The following S100A5 variants were observed in gnomAD, a reference collection of about 807,000 sequenced individuals.
The protein encoded by S100A5 is protein S100-A5.
A neutral mutation model predicts 6.7 loss-of-function variants in S100A5; 5 were observed. That is an observed-to-expected ratio of 0.75 (90% CI 0.39 to 1.57). The LOEUF is 1.57. Among genes scored for constraint, S100A5 ranks in the 40% most tolerant of loss-of-function variants. The probability of loss-of-function intolerance (pLI) is 0.03; values close to 1 mark genes in which losing one functional copy is unlikely to be tolerated. For missense variants in S100A5, 129 were observed against 110.8 expected (o/e 1.16, Z -0.74); for synonymous variants, 49 against 44.9 (o/e 1.09, Z -0.37).
intron 1 of S100A5, 133 bp from the exon 2 acceptor site, chr1:153,540,338 GC>G (rs561312322): frequency 2.7e-5 from 23 of 843,776 alleles, no homozygotes; most frequent in African/African-American, 2.1e-4. Context: ...TAACAAGAGC[GC>G]CCATCTATAT....
chr1:153,539,945 C>T, intron 2 of S100A5, 109 bp downstream of exon 2: 3 of 1,363,048 alleles, frequency 2.2e-6, no homozygotes, highest in Admixed American at 3.9e-5. Flanking sequence ...GTCTGTAGCC[C>T]TTGGCCACCC....
chr1:153,540,336 G>C, intron 1 of S100A5, 131 bp from the exon 2 acceptor site: 1 of 864,410 alleles, frequency 1.2e-6, no homozygotes. Flanking sequence ...ACTAACAAGA[G>C]CGCCCATCTA....
chr1:153,538,260 T>A (rs1665251800), intron 2 of S100A5, among the ~76,000 whole-genome samples: 1 of 152,204 alleles, frequency 6.6e-6, no homozygotes, highest in East Asian at 1.9e-4. Flanking sequence ...TTGTGCACTG[T>A]TGTTCAGTCC....
upstream of S100A5, chr1:153,543,615 A>G: frequency 1.2e-6 from 1 of 847,240 alleles, no homozygotes; most frequent in East Asian, 2.4e-5. Context: ...TCAAACCATC[A>G]GCCTCAAAAC....
At chr1:153,543,155 TG>T (rs1665444923), upstream of S100A5, 1 of 919,694 alleles carries the variant, frequency 1.1e-6, no homozygotes, top group Admixed American at 6.2e-5. Flanking sequence ...ACGTCAGCAC[TG>T]AGTGCCAGCC....
chr1:153,541,813 G>C (rs1557890652), upstream of S100A5: 1 of 1,047,340 alleles, frequency 9.5e-7, no homozygotes, highest in Non-Finnish European at 1.2e-6. Flanking sequence ...TCTCCACATC[G>C]GGCCCCTCCC....
At chr1:153,541,861 G>A (rs1194946673), upstream of S100A5, 1 of 1,018,578 alleles carries the variant, frequency 9.8e-7, no homozygotes, top group African/African-American at 1.7e-5. Context: ...AGAGAAGACA[G>A]CCCTTGAGAT....
At chr1:153,541,365 C>A, upstream of S100A5, 1 of 1,366,008 alleles carries the variant, frequency 7.3e-7, no homozygotes, top group Non-Finnish European at 9.8e-7. Context: ...TGAACAGAGA[C>A]ATAGGAAGGA....
upstream of S100A5, chr1:153,543,625 C>T: frequency 2.1e-6 from 2 of 930,924 alleles, no homozygotes; most frequent in African/African-American, 3.3e-5. Context: ...AGCCTCAAAA[C>T]TTCCAAGAAT....
chr1:153,537,497 A>T (rs1443395632), intron 2 of S100A5, 61 bp from the exon 3 acceptor site: 10 of 1,596,618 alleles, frequency 6.3e-6, no homozygotes, highest in Non-Finnish European at 8.5e-6. Context: ...CCCTCGCACC[A>T]CTGCATGGTG....
rs2230870 is a variant in S100A5, at chr1:153,540,136, T to A, written c.56A>T (p.Tyr19Phe). Residue 19 changes from tyrosine (Y) to phenylalanine (F), a missense_variant, in exon 2 of 3, where the codon TAT (tyrosine) becomes TTT (phenylalanine). Coordinates refer to ENST00000368717, the MANE Select transcript of S100A5 (RefSeq NM_001394232.1). ...LTTMVTTFHK[Y>F]SGREGSKLTL... ...CAGTTTGCTACCCTCTCTCCCCGAA[T>A]ATTTGTGAAACGTGGTCACCATAGT... 4.0e-3 allele frequency: 6,536 copies of A among 1,614,158 alleles called. 208 individuals are homozygous for A. In the African/African-American group the frequency reaches 0.072, roughly 18 times the overall value.
chr1:153,543,155 T>G (rs938699036), upstream of S100A5: 11 of 919,694 alleles, frequency 1.2e-5, no homozygotes, highest in African/African-American at 1.4e-4. Context: ...ACGTCAGCAC[T>G]GAGTGCCAGC....
intron 2 of S100A5, among the ~76,000 whole-genome samples, chr1:153,538,466 C>T (rs1249210450): frequency 1.3e-5 from 2 of 152,224 alleles, no homozygotes; most frequent in Non-Finnish European, 2.9e-5. Context: ...AGCCTGGGCT[C>T]CTGTTATTGC....
At chr1:153,541,731 G>C, upstream of S100A5, 1 of 1,139,640 alleles carries the variant, frequency 8.8e-7, no homozygotes, top group Non-Finnish European at 1.1e-6. Flanking sequence ...AGGGAAACCA[G>C]GCTGTCCTGG....
At chr1:153,538,426 C>T (rs1268118952) in intron 2 of S100A5, among the ~76,000 whole-genome samples, 2 of 152,194 alleles carry the variant, frequency 1.3e-5, no homozygotes, top group South Asian at 2.1e-4. Flanking sequence ...AAGGCGGAAA[C>T]TGCTTGTCTG....
Position 153,537,441 on chromosome 1 carries a change from T to C in S100A5, c.139-5A>G. ...ATCGATGCTGCTCTCCTTCATCTTT[T>C]GTGGACCCAGGTGGAGAGACAGCTC... On this transcript the variant is annotated splice_polypyrimidine_tract_variant and splice_region_variant and intron_variant, in intron 2 of 2. Coordinates refer to ENST00000368717, the MANE Select transcript of S100A5 (RefSeq NM_001394232.1). 6.2e-7 allele frequency: 1 copy of C among 1,613,968 alleles called. No homozygotes were observed. The highest frequency in any genetic ancestry group is 8.5e-7 in the Non-Finnish European group (1 of 1,179,956).
chr1:153,537,822 T>C (rs1028436634), intron 2 of S100A5, among the ~76,000 whole-genome samples: 2 of 151,780 alleles, frequency 1.3e-5, no homozygotes, highest in South Asian at 4.2e-4. Context: ...CCGAGGCGGG[T>C]GGATCACCTG....
At chr1:153,537,802 C>T (rs952855739) in intron 2 of S100A5, among the ~76,000 whole-genome samples, 1 of 152,194 alleles carries the variant, frequency 6.6e-6, no homozygotes, top group Non-Finnish European at 1.5e-5. Context: ...AATCCTAGCA[C>T]TTTGGGAGGC....
At position 153,540,764 on chromosome 1, in the gene S100A5, TC is replaced by T; in HGVS notation, c.-159del. 1 of 161,902 alleles carries T rather than the reference TC, an allele frequency of 6.2e-6. No homozygotes were observed. The allele number at this position is 161,902 out of a possible 1,614,324, so 10.0% of individuals were successfully genotyped here. On this transcript the variant is annotated 5_prime_UTR_variant, in exon 1 of 3. The change creates a premature stop within an existing upstream ORF in the 5' untranslated region. Transcript: ENST00000368717. Reference sequence around the variant, plus strand: ...GTGAGCTGAGCTGGCCCAGCTGGTCTCCAGACTCTGGCCCAGAGCAGTGCAC... The same window carrying T: ...GTGAGCTGAGCTGGCCCAGCTGGTCTCAGACTCTGGCCCAGAGCAGTGCAC...
Sources: allele counts gnomAD v4.1 joint callset (sites outside exome capture counted in the v4.1 genomes callset), GRCh38; gene constraint gnomAD v4.1.1; transcripts MANE v1.5; gene names NCBI Gene and HGNC (gene_info 2026-07-23, HGNC 2026-07-21).